The following PATJ variants were observed in gnomAD, a reference collection of about 807,000 sequenced individuals.
PATJ encodes the protein inaD-like protein.
PATJ carries 190 observed loss-of-function variants against 224.9 expected under a neutral mutation model. The observed-to-expected ratio is 0.84, with a 90% CI of 0.75 to 0.95. The LOEUF is 0.95. Ranked by LOEUF, PATJ falls within the 40% of genes least tolerant of loss-of-function variation. The pLI is 0.00. For missense variants in PATJ, 2,121 were observed against 2,270.3 expected (o/e 0.93, Z 1.34); for synonymous variants, 769 against 820.3 (o/e 0.94, Z 1.07).
intron 21 of PATJ, among the ~76,000 whole-genome samples, chr1:61,883,476 G>A (rs1668368685): frequency 6.6e-6 from 1 of 152,134 alleles, no homozygotes; most frequent in Non-Finnish European, 1.5e-5. Flanking sequence ...TAGGCCAGGT[G>A]TGGCAGCTCA....
intron 27 of PATJ, among the ~76,000 whole-genome samples, chr1:61,936,108 C>T (rs1374831937): frequency 2.0e-5 from 3 of 152,004 alleles, no homozygotes; most frequent in African/African-American, 4.8e-5. Context: ...AATTGTTCAA[C>T]TGTCACCACT....
chr1:61,791,756 G>T (rs779938839), intron 9 of PATJ, among the ~76,000 whole-genome samples: 1 of 151,964 alleles, frequency 6.6e-6, no homozygotes, highest in Non-Finnish European at 1.5e-5. Flanking sequence ...TGATAGATTA[G>T]ATTTGTGATA....
chr1:62,059,732 GAATT>G (rs1655113212), intron 31 of PATJ, among the ~76,000 whole-genome samples: 1 of 152,122 alleles, frequency 6.6e-6, no homozygotes, highest in Non-Finnish European at 1.5e-5. Flanking sequence ...GTCAGGAAGA[GAATT>G]AAAAAGCTAT....
intron 31 of PATJ, among the ~76,000 whole-genome samples, chr1:62,071,718 G>T (rs1026210464): frequency 2.6e-5 from 4 of 152,110 alleles, no homozygotes; most frequent in African/African-American, 7.2e-5. Context: ...CTGACCTCAG[G>T]TGATCCACCG....
chr1:61,858,344 C>T (rs1664026544), intron 18 of PATJ, among the ~76,000 whole-genome samples: 1 of 152,142 alleles, frequency 6.6e-6, no homozygotes, highest in Non-Finnish European at 1.5e-5. Context: ...CTCACTGCAA[C>T]CTCCATCTCC....
intron 20 of PATJ, among the ~76,000 whole-genome samples, chr1:61,869,847 G>A (rs1666054546): frequency 6.6e-6 from 1 of 152,250 alleles, no homozygotes; most frequent in African/African-American, 2.4e-5. Flanking sequence ...GAGCACTCAG[G>A]TGAGCGGGTG....
chr1:61,766,612 G>A (rs1389308722), intron 4 of PATJ, 139 bp downstream of exon 4: 1 of 529,410 alleles, frequency 1.9e-6, no homozygotes, highest in Non-Finnish European at 3.1e-6. Flanking sequence ...ATTGTTAGGA[G>A]AAACTGACAC....
intron 33 of PATJ, among the ~76,000 whole-genome samples, chr1:62,094,351 G>A (rs61777687): frequency 0.12 from 17,544 of 152,094 alleles, 1,356 homozygotes; most frequent in Middle Eastern, 0.21. Flanking sequence ...CTGTGGTGCC[G>A]CCACTGCACT....
intron 7 of PATJ, among the ~76,000 whole-genome samples, chr1:61,779,965 C>G (rs111830759): frequency 6.6e-6 from 1 of 151,988 alleles, no homozygotes; most frequent in Non-Finnish European, 1.5e-5. Flanking sequence ...ACTAAGTAAA[C>G]GCACTGCAGA....
chr1:61,774,974 T>C (rs1646834064), intron 6 of PATJ, among the ~76,000 whole-genome samples: 2 of 152,208 alleles, frequency 1.3e-5, no homozygotes, highest in Non-Finnish European at 2.9e-5. Context: ...TTCTGCCTTG[T>C]ATTTTAATTA....
intron 19 of PATJ, among the ~76,000 whole-genome samples, chr1:61,862,752 A>G (rs1294039719): frequency 6.6e-6 from 1 of 152,020 alleles, no homozygotes; most frequent in Non-Finnish European, 1.5e-5. Flanking sequence ...AATTTTAGAA[A>G]ATTTATTTTG....
intron 27 of PATJ, among the ~76,000 whole-genome samples, chr1:61,981,038 A>T (rs1195196947): frequency 2.0e-5 from 3 of 152,076 alleles, no homozygotes; most frequent in African/African-American, 7.3e-5. Flanking sequence ...GAGGCAGCCT[A>T]GGAGGCTGAG....
At chr1:62,016,994 T>C (rs1037491370) in intron 28 of PATJ, among the ~76,000 whole-genome samples, 1 of 152,244 alleles carries the variant, frequency 6.6e-6, no homozygotes, top group African/African-American at 2.4e-5. Flanking sequence ...TACTGCTTTC[T>C]TGAAGTTTAG....
In PATJ at chr1:62,160,938, C is replaced by T. The variant is rs759207432; in HGVS notation, c.5533C>T (p.Arg1845Ter). ...GAAADDGRLK[R>*]GDQILAVNGE... Reference sequence around the variant, plus strand: ...AGCTGCAGATGACGGCCGATTAAAACGAGGGGATCAGATTTTAGCTGTTAA... The same window carrying T: ...AGCTGCAGATGACGGCCGATTAAAATGAGGGGATCAGATTTTAGCTGTTAA... The change falls in exon 44 of 44, where the codon CGA (arginine) becomes TGA (stop). Residue 1845 changes from arginine to a stop codon, truncating the protein, a stop_gained. Transcript: ENST00000642238. LOFTEE classifies it high-confidence loss of function. 38 of 1,613,920 alleles carry T rather than the reference C, an allele frequency of 2.4e-5. No homozygotes were observed. Among genetic ancestry groups the T allele is most frequent in the Middle Eastern group, 1.6e-4 (1 of 6,062 alleles).
intron 41 of PATJ, among the ~76,000 whole-genome samples, chr1:62,147,644 T>C: frequency 6.6e-6 from 1 of 151,854 alleles, no homozygotes; most frequent in African/African-American, 2.4e-5. Context: ...ACTGAAAATA[T>C]AAAAATTAGC....
chr1:62,095,138 T>A (rs1008593910), intron 33 of PATJ, among the ~76,000 whole-genome samples: 2 of 152,174 alleles, frequency 1.3e-5, no homozygotes, highest in Non-Finnish European at 2.9e-5. Flanking sequence ...GGCAATAATC[T>A]TTTATCGTGA....
At chr1:62,024,014 T>C (rs919982088) in intron 29 of PATJ, among the ~76,000 whole-genome samples, 2 of 152,222 alleles carry the variant, frequency 1.3e-5, no homozygotes, top group Admixed American at 6.5e-5. Context: ...CTGATTTGTG[T>C]GTGTTGAACC....
At chr1:61,842,924 C>G (rs1444560221) in intron 17 of PATJ, among the ~76,000 whole-genome samples, 1 of 152,048 alleles carries the variant, frequency 6.6e-6, no homozygotes, top group Non-Finnish European at 1.5e-5. Context: ...AAGTCATAGC[C>G]CTTCCTAGAG....
intron 22 of PATJ, among the ~76,000 whole-genome samples, chr1:61,886,918 C>G (rs946701704): frequency 1.3e-5 from 2 of 148,772 alleles, no homozygotes; most frequent in East Asian, 3.9e-4. Context: ...AAGGTTGATG[C>G]AGCAATGAGC....
Sources: gnomAD v4.1 joint callset for allele counts (sites outside exome capture counted in the v4.1 genomes callset) on GRCh38, gnomAD v4.1.1 for gene constraint, MANE v1.5 for transcripts, NCBI Gene and HGNC (gene_info 2026-07-23, HGNC 2026-07-21) for gene names.